The following CTTNBP2 variants were observed in gnomAD, a reference collection of about 807,000 sequenced individuals.
The protein encoded by CTTNBP2 is cortactin-binding protein 2.
In CTTNBP2, 108 loss-of-function variants were observed where a neutral mutation model predicts 156.9. The ratio of observed to expected loss-of-function variants is 0.69; its 90% CI spans 0.59 to 0.81. The LOEUF (loss-of-function observed/expected upper bound fraction) is 0.81. CTTNBP2 is among the 30% of genes least tolerant of loss of function. The probability of loss-of-function intolerance (pLI) is 0.00; values close to 1 mark genes in which losing one functional copy is unlikely to be tolerated. For missense variants in CTTNBP2, 1,924 were observed against 2,035.4 expected (o/e 0.95, Z 1.05); for synonymous variants, 767 against 751.8 (o/e 1.02, Z -0.33).
intron 9 of CTTNBP2, among the ~76,000 whole-genome samples, chr7:117,763,730 T>C (rs543251166): frequency 6.6e-6 from 1 of 151,820 alleles, no homozygotes; most frequent in East Asian, 1.9e-4. Context: ...TCACCATGCC[T>C]GGCAATTTAT....
chr7:117,780,365 T>C (rs1798350341), intron 7 of CTTNBP2, 76 bp downstream of exon 7: 2 of 987,170 alleles, frequency 2.0e-6, no homozygotes, highest in Admixed American at 6.0e-5. Flanking sequence ...TAATTTATTT[T>C]GTTTTTCTAG....
intron 16 of CTTNBP2, among the ~76,000 whole-genome samples, chr7:117,734,157 T>C (rs553574319): frequency 3.3e-5 from 5 of 152,268 alleles, no homozygotes; most frequent in African/African-American, 1.2e-4. Context: ...TACCACAAGA[T>C]ATCTGGTTAT....
intron 3 of CTTNBP2, among the ~76,000 whole-genome samples, chr7:117,796,991 G>T (rs1190046783): frequency 2.6e-5 from 4 of 152,220 alleles, no homozygotes; most frequent in African/African-American, 9.6e-5. Context: ...AGGTAGAAAT[G>T]AGAGAAGAGT....
intron 22 of CTTNBP2, among the ~76,000 whole-genome samples, chr7:117,716,994 T>C (rs75026358): frequency 6.6e-6 from 1 of 152,308 alleles, no homozygotes; most frequent in Admixed American, 6.5e-5. Context: ...CGTTCTCATC[T>C]ACTCCCAAGG....
At chr7:117,765,600 A>T (rs1017792945) in intron 9 of CTTNBP2, among the ~76,000 whole-genome samples, 16 of 152,186 alleles carry the variant, frequency 1.1e-4, no homozygotes, top group East Asian at 3.9e-4. Context: ...AATTATACTC[A>T]GGTCTCCCAT....
At chr7:117,855,876 C>A (rs913359835) in intron 2 of CTTNBP2, among the ~76,000 whole-genome samples, 2 of 152,164 alleles carry the variant, frequency 1.3e-5, no homozygotes, top group African/African-American at 4.8e-5. Context: ...ATTTTCTAAA[C>A]AGATACAATT....
At chr7:117,804,766 G>A (rs183708893) in intron 3 of CTTNBP2, among the ~76,000 whole-genome samples, 1 of 152,336 alleles carries the variant, frequency 6.6e-6, no homozygotes, top group East Asian at 1.9e-4. Flanking sequence ...ACTGGGGCCT[G>A]TTGGGGCATG....
chr7:117,725,328 G>A (rs1795030972), intron 17 of CTTNBP2, 71 bp from the exon 18 acceptor site: 1 of 1,405,890 alleles, frequency 7.1e-7, no homozygotes, highest in Non-Finnish European at 1.0e-6. Flanking sequence ...TCCGTGAAAG[G>A]ACAGTTTGAA....
chr7:117,768,584 AG>A (rs1291273086), intron 8 of CTTNBP2, among the ~76,000 whole-genome samples: 4 of 142,434 alleles, frequency 2.8e-5, no homozygotes, highest in South Asian at 2.2e-4. Context: ...AAAAAAAAAA[AG>A]AAAGAAAGAA....
Position 117,784,265 on chromosome 7 carries a change from T to G in CTTNBP2, c.2258A>C (p.Lys753Thr), listed in dbSNP as rs1798581399. 1 of 1,609,150 alleles carries G rather than the reference T, an allele frequency of 6.2e-7. No homozygotes were observed. The highest frequency in any genetic ancestry group is 1.1e-5 in the South Asian group (1 of 89,892). The change falls in exon 5 of 23, where the codon AAG (lysine) becomes ACG (threonine). Residue 753 changes from lysine to threonine, a missense_variant. Lys to Thr is a moderately conservative substitution (Grantham distance 78, BLOSUM62 -1). Coordinates refer to ENST00000160373, the MANE Select transcript of CTTNBP2 (RefSeq NM_033427.3). Reference protein sequence around the residue: ...DGHSALYSAAKNGHTDCVRLL... With the variant: ...DGHSALYSAATNGHTDCVRLL... Reference sequence around the variant, plus strand: ...GCCATATTTACCTGTATGTCCATTCTTAGCAGCAGAATACAAGGCAGAATG... The same window carrying G: ...GCCATATTTACCTGTATGTCCATTCGTAGCAGCAGAATACAAGGCAGAATG...
intron 4 of CTTNBP2, among the ~76,000 whole-genome samples, chr7:117,785,301 A>G (rs768210551): frequency 5.3e-5 from 8 of 152,246 alleles, no homozygotes; most frequent in Non-Finnish European, 7.3e-5. Flanking sequence ...TCGGCTGCAT[A>G]TAGCATGAAA....
chr7:117,755,609 T>A, intron 12 of CTTNBP2: 1 of 463,680 alleles, frequency 2.2e-6, no homozygotes, highest in South Asian at 1.6e-5. Context: ...ATAGGGATGT[T>A]TTGAAGAATA....
intron 22 of CTTNBP2, 34 bp from the exon 23 acceptor site, chr7:117,711,816 C>T: frequency 2.5e-6 from 4 of 1,586,908 alleles, no homozygotes; most frequent in South Asian, 2.3e-5. Flanking sequence ...AAGTTTATCA[C>T]AAACTTCTCC....
chr7:117,792,630 G>A lies in CTTNBP2; in HGVS notation c.566C>T (p.Ala189Val). The A allele has an allele frequency of 6.2e-7, 1 of 1,613,886 alleles. No individual in the cohort carries two copies. Among genetic ancestry groups the A allele is most frequent in the Non-Finnish European group, 8.5e-7 (1 of 1,179,998 alleles). ...GGCCATTACGTCTTCGAGCTTCTGG[G>A]CCTCCTCTATGACTTTGCCTGAGAG... is the stretch of plus-strand genomic sequence containing the variant. Reference protein sequence around the residue: ...KQLSGKVIEEAQKLEDVMAKL... With the variant: ...KQLSGKVIEEVQKLEDVMAKL... The change falls in exon 4 of 23, where the codon GCC becomes GTC. Residue 189 changes from alanine to valine, a missense_variant. By Grantham distance (64) the Ala-to-Val change is moderately conservative. Transcript: ENST00000160373. The surrounding 1 kb of genome is among the most constrained non-coding windows in gnomAD (Gnocchi z 4.2).
intron 16 of CTTNBP2, among the ~76,000 whole-genome samples, chr7:117,730,754 C>A (rs761066024): frequency 6.6e-6 from 1 of 150,642 alleles, no homozygotes; most frequent in Non-Finnish European, 1.5e-5. Context: ...ACTTGGCCAG[C>A]CAAGAAAATA....
At chr7:117,742,943 C>T (rs768430759) in intron 14 of CTTNBP2, among the ~76,000 whole-genome samples, 8 of 152,210 alleles carry the variant, frequency 5.3e-5, no homozygotes, top group Non-Finnish European at 1.2e-4. Context: ...GGGGGCATGC[C>T]CCATTCTCCC....
intron 2 of CTTNBP2, among the ~76,000 whole-genome samples, chr7:117,816,222 G>A (rs1318272695): frequency 6.6e-6 from 1 of 152,278 alleles, no homozygotes; most frequent in African/African-American, 2.4e-5. Flanking sequence ...TCCCAGGAAG[G>A]ATTCATCAGC....
rs1346082143 is a variant in CTTNBP2 at position 117,756,621 on chromosome 7, G to C, written c.3282C>G (p.Gly1094=). 6.2e-7 allele frequency: 1 copy of C among 1,612,496 alleles called. No homozygotes were observed. Among genetic ancestry groups the C allele is most frequent in the South Asian group, 1.1e-5 (1 of 91,034 alleles). Residue 1094 remains glycine, a synonymous_variant, in exon 12 of 23, where the codon GGC becomes GGG. Transcript: ENST00000160373. ...AGGCATAAGTCACACTACTGAGACA[G>C]CCTTCTTGAGGACCTGTAGGAAAGG... ...ITVLLSGPQE[G]CLSSVTYASM...
intron 3 of CTTNBP2, among the ~76,000 whole-genome samples, chr7:117,809,717 A>G (rs1006769377): frequency 6.6e-6 from 1 of 152,242 alleles, no homozygotes; most frequent in African/African-American, 2.4e-5. Flanking sequence ...ATGTTAATGT[A>G]AAGATGAAAT....
Sources: gnomAD v4.1 joint callset for allele counts (sites outside exome capture counted in the v4.1 genomes callset) on GRCh38, gnomAD v4.1.1 for gene constraint, Gnocchi (gnomAD v3.1) non-coding constraint, MANE v1.5 for transcripts, NCBI Gene and HGNC (gene_info 2026-07-23, HGNC 2026-07-21) for gene names.